CCDC60: variants seen among roughly 807,000 people sequenced by gnomAD.
CCDC60 encodes the protein coiled-coil domain containing 60.
A neutral mutation model predicts 63.5 loss-of-function variants in CCDC60; 54 were observed. The ratio of observed to expected loss-of-function variants is 0.85; its 90% confidence interval spans 0.68 to 1.07. The LOEUF (loss-of-function observed/expected upper bound fraction) is 1.07. Ranked by LOEUF, CCDC60 falls within the 50% of genes least tolerant of loss-of-function variation. The pLI is 0.00. For synonymous variants in CCDC60, 206 were observed against 238.8 expected, an observed-to-expected ratio of 0.86 and a Z score of 1.27; for missense variants, 651 against 684.3, an observed-to-expected ratio of 0.95 and a Z score of 0.54.
chr12:119,435,244 G>A (rs1950303116), intron 2 of CCDC60, among the ~76,000 whole-genome samples: 1 of 152,198 alleles, frequency 6.6e-6, no homozygotes, highest in African/African-American at 2.4e-5. Flanking sequence ...TTGATGGGAT[G>A]AATTAATTAT....
At chr12:119,415,204 A>G (rs961301494) in intron 1 of CCDC60, among the ~76,000 whole-genome samples, 22 of 152,206 alleles carry the variant, frequency 1.4e-4, no homozygotes, top group African/African-American at 5.3e-4. Context: ...GCATCCTTAT[A>G]TGACAGCCTG....
In CCDC60 at chr12:119,426,648, T is replaced by C. The variant is rs11831815; in HGVS notation, c.91-2035T>C. Among the ~76,000 whole-genome samples, 1,377 of 152,310 alleles carry C rather than the reference T, an allele frequency of 9.0e-3. 23 individuals carry two copies. Among genetic ancestry groups the C allele is most frequent in the African/African-American group, 0.031 (1,290 of 41,564 alleles). ...TCCTAGGATTACGGACATGAGCCAC[T>C]GCGCCTGGCCCCACTTTGTCAAGTG... On this transcript the variant is annotated intron_variant, in intron 1 of 13. Transcript: ENST00000327554.
intron 1 of CCDC60, among the ~76,000 whole-genome samples, chr12:119,404,969 G>A (rs545117426): frequency 1.4e-4 from 22 of 152,280 alleles, no homozygotes; most frequent in African/African-American, 5.3e-4. Context: ...GAACCTGCTT[G>A]GGTCTCTGAT....
At chr12:119,437,314 C>G (rs1950344871) in intron 2 of CCDC60, among the ~76,000 whole-genome samples, 1 of 152,078 alleles carries the variant, frequency 6.6e-6, no homozygotes, top group Non-Finnish European at 1.5e-5. Flanking sequence ...TCTCCTGTGC[C>G]CAGGGCAGAC....
intron 5 of CCDC60, among the ~76,000 whole-genome samples, chr12:119,495,853 G>C (rs1252607983): frequency 6.6e-6 from 1 of 152,188 alleles, no homozygotes; most frequent in Non-Finnish European, 1.5e-5. Context: ...CAATAATCAA[G>C]ATACTTTGAG....
chr12:119,471,909 T>C, intron 2 of CCDC60, 85 bp from the exon 3 acceptor site: 1 of 1,158,350 alleles, frequency 8.6e-7, no homozygotes. Flanking sequence ...CCTCTCTCTC[T>C]TTCTTTCTCT....
chr12:119,375,910 G>C (rs1033313138), intron 1 of CCDC60, among the ~76,000 whole-genome samples: 1 of 152,138 alleles, frequency 6.6e-6, no homozygotes, highest in South Asian at 2.1e-4. Flanking sequence ...TTAGTATAAA[G>C]TCTGACAAAC....
In CCDC60 at chr12:119,360,456, G is replaced by T. The variant is rs537021846; in HGVS notation, c.90+25190G>T. The stretch of plus-strand genomic sequence containing the variant: ...CGGAGACGCTCCTCACTTCCCAGAC[G>T]GGGTGGCTGCCGGGCGGAGAGGCTC... On this transcript the variant is annotated intron_variant, in intron 1 of 13. Coordinates refer to ENST00000327554, the MANE Select transcript of CCDC60 (RefSeq NM_178499.5). Among the ~76,000 whole-genome samples, 5 of 151,430 alleles carry T rather than the reference G, an allele frequency of 3.3e-5. No homozygotes were observed. In the East Asian group the frequency reaches 7.9e-4, roughly 24 times the overall value.
chr12:119,462,791 C>CGTTTGTTT, intron 2 of CCDC60, among the ~76,000 whole-genome samples: 1 of 140,882 alleles, frequency 7.1e-6, no homozygotes, highest in African/African-American at 2.6e-5. Flanking sequence ...CAACTAACTT[C>CGTTTGTTT]ATTTATTTAT....
rs1255360067 is a variant in CCDC60 at position 119,523,748 on chromosome 12, A to G, written c.1159A>G (p.Arg387Gly). Reference protein sequence around the residue: ...HYKSGVCNTMRAKFYSVAQEA... With the variant: ...HYKSGVCNTMGAKFYSVAQEA... The stretch of plus-strand genomic sequence containing the variant: ...CAAGAGTGGGGTGTGTAACACCATG[A>G]GGGCCAAGTTTTACAGCGTAGCCCA... The change falls in exon 11 of 14, where the codon AGG (arginine) becomes GGG (glycine). Residue 387 changes from arginine (R) to glycine (G), a missense_variant. Arg to Gly is a moderately radical substitution (Grantham distance 125). Transcript: ENST00000327554. 1.9e-6 allele frequency: 3 copies of G among 1,614,210 alleles called. No individual in the cohort carries two copies. The highest frequency in any genetic ancestry group is 8.5e-7 in the Non-Finnish European group (1 of 1,180,010).
intron 3 of CCDC60, among the ~76,000 whole-genome samples, chr12:119,472,457 C>T (rs911823524): frequency 6.6e-6 from 1 of 152,134 alleles, no homozygotes; most frequent in Non-Finnish European, 1.5e-5. Flanking sequence ...TCCAGGTCCC[C>T]ATAATACGTG....
At chr12:119,403,652 GAT>G (rs751427718) in intron 1 of CCDC60, among the ~76,000 whole-genome samples, 3 of 151,756 alleles carry the variant, frequency 2.0e-5, no homozygotes, top group Non-Finnish European at 4.4e-5. Flanking sequence ...CTGCTGTCAC[GAT>G]CATGACTGGC....
chr12:119,490,779 A>G (rs1045201871), intron 5 of CCDC60, among the ~76,000 whole-genome samples: 1 of 151,784 alleles, frequency 6.6e-6, no homozygotes, highest in Non-Finnish European at 1.5e-5. Flanking sequence ...GTGTCTTGCT[A>G]TGTTGCCCAG....
chr12:119,486,361 T>A (rs511742), intron 4 of CCDC60, among the ~76,000 whole-genome samples: 114,026 of 151,984 alleles, frequency 0.75, 43,180 homozygotes, highest in East Asian at 0.85. Context: ...ACGTAGGAAG[T>A]CCCCATCTCT....
intron 4 of CCDC60, among the ~76,000 whole-genome samples, chr12:119,485,699 T>A (rs192353764): frequency 6.6e-6 from 1 of 152,256 alleles, no homozygotes; most frequent in African/African-American, 2.4e-5. Flanking sequence ...CATTTATAAG[T>A]GAATCCACTC....
At chr12:119,375,008 T>C (rs964895192) in intron 1 of CCDC60, among the ~76,000 whole-genome samples, 1 of 151,936 alleles carries the variant, frequency 6.6e-6, no homozygotes, top group South Asian at 2.1e-4. Context: ...ATCGGCAGGG[T>C]CTTTGTGACC....
intron 7 of CCDC60, among the ~76,000 whole-genome samples, chr12:119,514,724 A>G (rs1230829518): frequency 6.6e-6 from 1 of 152,118 alleles, no homozygotes; most frequent in Non-Finnish European, 1.5e-5. Flanking sequence ...TTTTTAGTAA[A>G]TTTACTGCAG....
chr12:119,491,638 A>G (rs1405070885), intron 5 of CCDC60, among the ~76,000 whole-genome samples: 1 of 151,918 alleles, frequency 6.6e-6, no homozygotes, highest in East Asian at 1.9e-4. Context: ...CCTTACACAT[A>G]TCTTTTATGC....
intron 1 of CCDC60, among the ~76,000 whole-genome samples, chr12:119,335,903 G>A (rs1280455223): frequency 6.6e-6 from 1 of 151,866 alleles, no homozygotes; most frequent in Non-Finnish European, 1.5e-5. Context: ...GTATTGCCTA[G>A]GTTTTCTTCT....
Sources: gnomAD v4.1 joint callset for allele counts (sites outside exome capture counted in the v4.1 genomes callset) on GRCh38, gnomAD v4.1.1 for gene constraint, MANE v1.5 for transcripts, NCBI Gene and HGNC (gene_info 2026-07-23, HGNC 2026-07-21) for gene names.